Variants in ANXA11 observed in about 807,000 individuals in gnomAD.
The protein encoded by ANXA11 is annexin A11, also known as 56 kDa autoantigen.
In ANXA11, 57 loss-of-function variants were observed where a neutral mutation model predicts 64.7. The ratio of observed to expected loss-of-function variants is 0.88; its 90% CI spans 0.71 to 1.10. ANXA11 has a LOEUF of 1.10. Among genes scored for constraint, ANXA11 ranks in the 50% least tolerant of loss-of-function variants. The pLI, the probability that ANXA11 is intolerant of heterozygous loss-of-function variation, is 0.00. For synonymous variants in ANXA11, 260 were observed against 265.2 expected (o/e 0.98, Z 0.19); for missense variants, 675 against 670.7 (o/e 1.01, Z -0.07).
intron 4 of ANXA11, among the ~76,000 whole-genome samples, chr10:80,169,831 C>A (rs528334204): frequency 1.3e-5 from 2 of 152,064 alleles, no homozygotes; most frequent in African/African-American, 2.4e-5. Context: ...AAGAGCTAGA[C>A]CCCCAGACTT....
chr10:80,161,809 G>C, intron 12 of ANXA11, 126 bp downstream of exon 12: 1 of 735,414 alleles, frequency 1.4e-6, no homozygotes, highest in Non-Finnish European at 2.3e-6. Context: ...CCACCAGGGG[G>C]CTCTTTTGAG....
At chr10:80,205,749 G>T (rs1025819263), upstream of ANXA11, among the ~76,000 whole-genome samples, 1 of 152,180 alleles carries the variant, frequency 6.6e-6, no homozygotes, top group South Asian at 2.1e-4. Flanking sequence ...AGCCGCATTC[G>T]CCCTCCTGCA....
At chr10:80,172,722 G>C in intron 3 of ANXA11, 85 bp downstream of exon 3, 1 of 1,363,356 alleles carries the variant, frequency 7.3e-7, no homozygotes, top group Non-Finnish European at 1.0e-6. Flanking sequence ...GGAGGGGAGT[G>C]AGGAAACTAC....
At chr10:80,184,924 G>A (rs1047604621) in intron 1 of ANXA11, among the ~76,000 whole-genome samples, 1 of 152,198 alleles carries the variant, frequency 6.6e-6, no homozygotes, top group Non-Finnish European at 1.5e-5. Flanking sequence ...TGGAAGAATG[G>A]ATGGAGTTCT....
intron 1 of ANXA11, among the ~76,000 whole-genome samples, chr10:80,195,237 C>G (rs950988600): frequency 6.6e-6 from 1 of 152,174 alleles, no homozygotes; most frequent in Non-Finnish European, 1.5e-5. Context: ...CCTGCTCTAC[C>G]TAGAAGCCTC....
At chr10:80,171,308 AG>A in intron 3 of ANXA11, 1 of 1,002,738 alleles carries the variant, frequency 1.0e-6, no homozygotes, top group Non-Finnish European at 1.2e-6. Flanking sequence ...GGGAGCTCTG[AG>A]ATTTCAGTAA....
intron 1 of ANXA11, among the ~76,000 whole-genome samples, chr10:80,190,856 C>T (rs1846745072): frequency 6.6e-6 from 1 of 150,962 alleles, no homozygotes; most frequent in Non-Finnish European, 1.5e-5. Flanking sequence ...TTTGGAAGGC[C>T]AAGGTGGGCG....
intron 2 of ANXA11, among the ~76,000 whole-genome samples, chr10:80,175,631 TTAATA>T (rs1446239305): frequency 2.6e-5 from 4 of 152,034 alleles, no homozygotes; most frequent in African/African-American, 9.7e-5. Flanking sequence ...AAAAGTTTTA[TTAATA>T]TAATAAGAAA....
intron 12 of ANXA11, among the ~76,000 whole-genome samples, chr10:80,161,732 G>A (rs1012705266): frequency 6.6e-6 from 1 of 152,220 alleles, no homozygotes; most frequent in East Asian, 1.9e-4. Context: ...TTTCTACACC[G>A]GTAGAACCTC....
intron 12 of ANXA11, among the ~76,000 whole-genome samples, chr10:80,160,647 C>T (rs955309289): frequency 6.6e-6 from 1 of 152,118 alleles, no homozygotes; most frequent in Non-Finnish European, 1.5e-5. Context: ...CTCCTCACAC[C>T]GGTGGGCTCC....
intron 3 of ANXA11, chr10:80,171,674 T>C (rs1037128865): frequency 1.0e-6 from 1 of 985,390 alleles, no homozygotes; most frequent in Admixed American, 6.2e-5. Flanking sequence ...TCTGGCCTGT[T>C]AGATGCTTTC....
intron 1 of ANXA11, among the ~76,000 whole-genome samples, chr10:80,195,028 C>G (rs1322926074): frequency 1.3e-5 from 2 of 152,176 alleles, no homozygotes; most frequent in African/African-American, 4.8e-5. Context: ...AGACCCGTCT[C>G]TCACCACAGG....
intron 5 of ANXA11, among the ~76,000 whole-genome samples, chr10:80,168,036 G>A (rs1210881841): frequency 2.0e-5 from 3 of 152,122 alleles, no homozygotes; most frequent in African/African-American, 7.2e-5. Flanking sequence ...GGTATGGAAG[G>A]GAAGGAGGAA....
chr10:80,199,974 T>C (rs1467271043), intron 1 of ANXA11, among the ~76,000 whole-genome samples: 2 of 152,200 alleles, frequency 1.3e-5, no homozygotes, highest in Non-Finnish European at 2.9e-5. Context: ...CTGGCTACTC[T>C]GTCAAAAACT....
At position 80,192,037 on chromosome 10, in the gene ANXA11, C is replaced by T. The variant is rs189824847; in HGVS notation, c.-58+13306G>A. Among the ~76,000 whole-genome samples, 18 of 152,300 alleles carry T rather than the reference C, an allele frequency of 1.2e-4. No individual in the cohort carries two copies. The East Asian group carries it at 3.5e-3, about 29-fold the overall frequency. Reference sequence around the variant, plus strand: ...CCCCAGGGCAGGGTGGGTAGAGAGGCTTCCTGTCCTCAGAGCTGCTGGCGG... The same window carrying T: ...CCCCAGGGCAGGGTGGGTAGAGAGGTTTCCTGTCCTCAGAGCTGCTGGCGG... On this transcript the variant is annotated intron_variant, in intron 1 of 15. Coordinates refer to ENST00000422982, the MANE Select transcript of ANXA11 (RefSeq NM_145868.2).
intron 1 of ANXA11, among the ~76,000 whole-genome samples, chr10:80,197,772 A>C (rs1475793337): frequency 6.6e-6 from 1 of 152,148 alleles, no homozygotes. Context: ...AATACAAAAA[A>C]AATTAGCAAA....
intron 12 of ANXA11, among the ~76,000 whole-genome samples, chr10:80,160,902 G>C (rs999342295): frequency 6.6e-6 from 1 of 151,884 alleles, no homozygotes; most frequent in Non-Finnish European, 1.5e-5. Context: ...TATAATCCTC[G>C]AACCCTCTCT....
intron 4 of ANXA11, among the ~76,000 whole-genome samples, chr10:80,169,816 C>G (rs1341847403): frequency 6.6e-6 from 1 of 152,156 alleles, no homozygotes; most frequent in Non-Finnish European, 1.5e-5. Flanking sequence ...CCTCCTACAC[C>G]CTGCAAGAGC....
chr10:80,156,995 T>C (rs1232028810), intron 15 of ANXA11: 1 of 985,324 alleles, frequency 1.0e-6, no homozygotes, highest in Non-Finnish European at 1.2e-6. Context: ...TGAGAATGTA[T>C]TTTGTCAGAC....
Sources: gnomAD v4.1 joint callset for allele counts (sites outside exome capture counted in the v4.1 genomes callset) on GRCh38, gnomAD v4.1.1 for gene constraint, MANE v1.5 for transcripts, NCBI Gene and HGNC (gene_info 2026-07-23, HGNC 2026-07-21) for gene names.